The following SPECC1 variants were observed in gnomAD, a reference collection of about 807,000 sequenced individuals.
The protein encoded by SPECC1 is sperm antigen with calponin homology and coiled-coil domains 1, also known as cytospin-B.
Under a neutral mutation model 104.1 loss-of-function variants are expected in SPECC1, and 62 were observed. That is an observed-to-expected ratio of 0.60 (90% CI 0.49 to 0.74). The LOEUF is 0.74. Among genes scored for constraint, SPECC1 ranks in the 30% least tolerant of loss-of-function variants. The pLI is 0.00. For missense variants in SPECC1, 1,306 were observed against 1,310.5 expected (o/e 1.00, Z 0.05); for synonymous variants, 513 against 501.6 (o/e 1.02, Z -0.30).
intron 12 of SPECC1, among the ~76,000 whole-genome samples, chr17:20,274,388 G>A (rs2040506012): frequency 6.6e-6 from 1 of 152,160 alleles, no homozygotes; most frequent in African/African-American, 2.4e-5. Flanking sequence ...CAGTGCTGTG[G>A]CATGCGTTGT....
intron 3 of SPECC1, among the ~76,000 whole-genome samples, chr17:20,128,295 G>A (rs142159123): frequency 2.1e-3 from 314 of 152,350 alleles, no homozygotes; most frequent in Middle Eastern, 6.8e-3. Flanking sequence ...GCAAAGTACT[G>A]TCTTTCCTTA....
chr17:20,131,112 G>A (rs910636076), intron 3 of SPECC1, among the ~76,000 whole-genome samples: 19 of 152,286 alleles, frequency 1.2e-4, no homozygotes, highest in Middle Eastern at 6.8e-3. Flanking sequence ...TTAGTTCTAG[G>A]AGGATTTTTT....
rs576476057 is a variant in SPECC1, at chr17:20,175,369, T to A, written c.284-28964T>A. 4.6e-5 allele frequency among the ~76,000 whole-genome samples: 7 copies of A among 152,378 alleles called. No homozygotes were observed. The South Asian group carries it at 1.4e-3, about 32-fold the overall frequency. ...TGGCACTCCCTTTAAAATCTTTTAATGCTTTTGTTTACTGCAAGTTTTCTT... is the reference window on the plus strand; with the variant it reads ...TGGCACTCCCTTTAAAATCTTTTAAAGCTTTTGTTTACTGCAAGTTTTCTT... On this transcript the variant is annotated intron_variant, in intron 3 of 14. Transcript: ENST00000395527.
intron 1 of SPECC1, among the ~76,000 whole-genome samples, chr17:20,052,699 C>T (rs1332400868): frequency 6.6e-6 from 1 of 152,172 alleles, no homozygotes; most frequent in East Asian, 1.9e-4. Flanking sequence ...GTGGCCCAAT[C>T]AAACACTATC....
chr17:20,265,016 A>G (rs186939863), intron 12 of SPECC1, among the ~76,000 whole-genome samples: 1 of 152,150 alleles, frequency 6.6e-6, no homozygotes, highest in Non-Finnish European at 1.5e-5. Context: ...CATTTTCTTT[A>G]TCCAACCCAC....
intron 4 of SPECC1, among the ~76,000 whole-genome samples, chr17:20,219,388 A>C (rs879822405): frequency 1.3e-4 from 20 of 152,032 alleles, no homozygotes; most frequent in Admixed American, 1.3e-3. Context: ...ATGGTATCTC[A>C]TTGTAGTTTT....
intron 3 of SPECC1, among the ~76,000 whole-genome samples, chr17:20,189,778 T>C (rs2035535204): frequency 1.3e-5 from 2 of 152,176 alleles, no homozygotes; most frequent in African/African-American, 4.8e-5. Flanking sequence ...GCATTTTGAA[T>C]TCTAATCCAA....
At chr17:20,038,287 G>T (rs1379243725) in intron 1 of SPECC1, among the ~76,000 whole-genome samples, 1 of 150,372 alleles carries the variant, frequency 6.7e-6, no homozygotes, top group Non-Finnish European at 1.5e-5. Context: ...CTGTGTTCTT[G>T]AGATGGGAGT....
Position 20,009,846 on chromosome 17 carries a change from C to G in SPECC1, c.-22+422C>G, listed in dbSNP as rs1597555224. On this transcript the variant is annotated intron_variant, in intron 1 of 14. Coordinates refer to ENST00000395527, the MANE Select transcript of SPECC1 (RefSeq NM_001243439.2). The surrounding 1 kb of genome is among the most constrained non-coding windows in gnomAD (Gnocchi z 5.2). ...ACGCCCGGCCCCGGCTCCTGGGTCT[C>G]GGGAGCCTCCCGCACCCTCCCTGTT... 4.6e-5 allele frequency: 7 copies of G among 152,452 alleles called. 1 individual carries two copies. In the East Asian group the frequency reaches 1.4e-3, roughly 30 times the overall value. The allele number at this position is 152,452 out of a possible 1,614,324, so 9.4% of individuals were successfully genotyped here. A position where few individuals can be genotyped will look rare whatever the true frequency, so the allele number is the denominator to read the frequency against.
chr17:20,228,154 T>C (rs976973184), intron 5 of SPECC1, among the ~76,000 whole-genome samples: 1 of 152,178 alleles, frequency 6.6e-6, no homozygotes, highest in Non-Finnish European at 1.5e-5. Flanking sequence ...CTGTTGAACA[T>C]GAGTCAGCAG....
At chr17:20,188,069 G>C (rs2035397717) in intron 3 of SPECC1, among the ~76,000 whole-genome samples, 1 of 152,184 alleles carries the variant, frequency 6.6e-6, no homozygotes, top group Non-Finnish European at 1.5e-5. Context: ...GGAAGGGGCT[G>C]TCTAGTGGTG....
At chr17:20,164,435 G>A (rs1188405760) in intron 3 of SPECC1, among the ~76,000 whole-genome samples, 2 of 151,958 alleles carry the variant, frequency 1.3e-5, no homozygotes, top group Non-Finnish European at 2.9e-5. Context: ...CCAAAGTGTT[G>A]ACATTTGCCA....
chr17:20,063,165 C>T (rs751024258), intron 1 of SPECC1, among the ~76,000 whole-genome samples: 12 of 152,222 alleles, frequency 7.9e-5, no homozygotes, highest in East Asian at 1.9e-4. Context: ...TTTAAAAATA[C>T]CTCATTGCTT....
chr17:20,117,579 G>A (rs1005031932), intron 3 of SPECC1, among the ~76,000 whole-genome samples: 5 of 151,832 alleles, frequency 3.3e-5, no homozygotes, highest in Non-Finnish European at 5.9e-5. Flanking sequence ...TTGAGCCCAG[G>A]AGTTGAAGAC....
intron 1 of SPECC1, among the ~76,000 whole-genome samples, chr17:20,030,452 A>G (rs2044763651): frequency 6.6e-6 from 1 of 151,838 alleles, no homozygotes; most frequent in Non-Finnish European, 1.5e-5. Context: ...TCCCTGTTAT[A>G]TTACTTTACT....
chr17:20,161,657 T>TGC (rs2033158824), intron 3 of SPECC1, among the ~76,000 whole-genome samples: 1 of 151,728 alleles, frequency 6.6e-6, no homozygotes, highest in Non-Finnish European at 1.5e-5. Flanking sequence ...GAATATGCTC[T>TGC]TTACTTTTAA....
intron 13 of SPECC1, among the ~76,000 whole-genome samples, chr17:20,298,178 T>TC (rs747997486): frequency 6.6e-6 from 1 of 151,926 alleles, no homozygotes; most frequent in Non-Finnish European, 1.5e-5. Context: ...ATGGTGAAAC[T>TC]CCATCTCTAC....
intron 3 of SPECC1, among the ~76,000 whole-genome samples, chr17:20,139,930 T>A (rs2030557797): frequency 6.6e-6 from 1 of 152,110 alleles, no homozygotes; most frequent in Non-Finnish European, 1.5e-5. Context: ...TGTCTCAGCC[T>A]CCCAAAGTGC....
At position 20,314,748 on chromosome 17, in the gene SPECC1, C is replaced by T. The variant is rs1454381032; in HGVS notation, c.*683C>T. The stretch of plus-strand genomic sequence containing the variant: ...AAAATAAACATTTGTTCCAGGGCAA[C>T]CTGGAAACGTGCGTGCGCACTCAGC... On this transcript the variant is annotated 3_prime_UTR_variant, in exon 15 of 15. Coordinates refer to ENST00000395527, the MANE Select transcript of SPECC1 (RefSeq NM_001243439.2). 5 of 186,138 alleles carry T rather than the reference C, an allele frequency of 2.7e-5. No homozygotes were observed. Among genetic ancestry groups the T allele is most frequent in the Non-Finnish European group, 4.1e-5 (4 of 98,458 alleles). 11.5% of individuals were successfully genotyped at this position (186,138 alleles called of 1,614,324 possible).
Sources: gnomAD v4.1 joint callset for allele counts (sites outside exome capture counted in the v4.1 genomes callset) on GRCh38, gnomAD v4.1.1 for gene constraint, Gnocchi (gnomAD v3.1) non-coding constraint, MANE v1.5 for transcripts, NCBI Gene and HGNC (gene_info 2026-07-23, HGNC 2026-07-21) for gene names.